Variants in NALCN observed in about 807,000 individuals in gnomAD.
NALCN encodes sodium leak channel NALCN.
In NALCN, 111 loss-of-function variants were observed where a neutral mutation model predicts 225.3. The observed-to-expected ratio is 0.49, with a 90% CI of 0.42 to 0.58. NALCN has a LOEUF of 0.58. Ranked by LOEUF, NALCN falls within the 20% of genes least tolerant of loss-of-function variation. The pLI is 0.00. For synonymous variants in NALCN, 764 were observed against 769.0 expected, an observed-to-expected ratio of 0.99 and a Z score of 0.11; for missense variants, 1,378 against 2,202.4, an observed-to-expected ratio of 0.63 and a Z score of 7.49.
intron 6 of NALCN, among the ~76,000 whole-genome samples, chr13:101,351,994 A>G (rs1017689347): frequency 6.6e-6 from 1 of 152,234 alleles, no homozygotes; most frequent in African/African-American, 2.4e-5. Context: ...GACTATGCTT[A>G]TGATGACTTA....
intron 17 of NALCN, among the ~76,000 whole-genome samples, chr13:101,135,776 C>G (rs1169667360): frequency 7.2e-5 from 11 of 152,108 alleles, no homozygotes; most frequent in Non-Finnish European, 1.5e-4. Context: ...TAGCATGACA[C>G]TTGATAGAAG....
chr13:101,358,011 T>C (rs1271406225), intron 6 of NALCN, among the ~76,000 whole-genome samples: 2 of 151,888 alleles, frequency 1.3e-5, no homozygotes, highest in East Asian at 3.9e-4. Flanking sequence ...GGACCCCTTA[T>C]ACCTTAGACA....
chr13:101,210,636 A>G (rs2040489738), intron 13 of NALCN, among the ~76,000 whole-genome samples: 1 of 152,222 alleles, frequency 6.6e-6, no homozygotes, highest in African/African-American at 2.4e-5. Flanking sequence ...TACAACACAG[A>G]AAACTGAGTG....
intron 2 of NALCN, 101 bp downstream of exon 2, chr13:101,398,918 G>A: frequency 1.4e-6 from 1 of 709,748 alleles, no homozygotes; most frequent in South Asian, 1.6e-5. Context: ...TTCTACTGCA[G>A]CTCAGATATT....
intron 26 of NALCN, among the ~76,000 whole-genome samples, chr13:101,102,319 T>C (rs959816878): frequency 1.1e-4 from 16 of 151,996 alleles, no homozygotes; most frequent in African/African-American, 2.9e-4. Flanking sequence ...ATGATATATA[T>C]ACCTCTAGTA....
intron 6 of NALCN, among the ~76,000 whole-genome samples, chr13:101,360,560 A>G (rs1594741450): frequency 6.6e-6 from 1 of 152,250 alleles, no homozygotes; most frequent in East Asian, 1.9e-4. Flanking sequence ...TATAGCAATG[A>G]AAGAATGGAT....
intron 17 of NALCN, chr13:101,142,786 G>A: frequency 5.1e-6 from 2 of 389,186 alleles, no homozygotes; most frequent in South Asian, 4.5e-5. Context: ...GAGCCTTGGA[G>A]ATCCCAGCCC....
chr13:101,382,935 A>T (rs1594767144), intron 3 of NALCN, among the ~76,000 whole-genome samples: 1 of 152,178 alleles, frequency 6.6e-6, no homozygotes, highest in Non-Finnish European at 1.5e-5. Context: ...GAAGTATGGA[A>T]ATAATCCTCT....
At chr13:101,329,872 C>G (rs7986942) in intron 7 of NALCN, among the ~76,000 whole-genome samples, 6,608 of 151,820 alleles carry the variant, frequency 0.044, 201 homozygotes, top group South Asian at 0.062. Context: ...AACCCTGTCT[C>G]TACTAAAAAT....
rs1244440854 is a variant in NALCN at position 101,053,932 on chromosome 13, G to A, written c.*1363C>T. ...ATAAACTGTAGACTGCCACTACCAC[G>A]ATACTTCTGTGACACAGAAGGAATG... On this transcript the variant is annotated 3_prime_UTR_variant, in exon 44 of 44. Transcript: ENST00000251127. 2.0e-5 allele frequency: 3 copies of A among 152,080 alleles called. No individual in the cohort carries two copies. Among genetic ancestry groups the A allele is most frequent in the Non-Finnish European group, 4.4e-5 (3 of 68,018 alleles). The allele number at this position is 152,080 out of a possible 1,614,324, so 9.4% of individuals were successfully genotyped here. A position where few individuals can be genotyped will look rare whatever the true frequency, so the allele number is the denominator to read the frequency against.
chr13:101,092,321 C>A (rs1404658556), intron 28 of NALCN, among the ~76,000 whole-genome samples: 1 of 152,162 alleles, frequency 6.6e-6, no homozygotes, highest in Admixed American at 6.6e-5. Flanking sequence ...TGAGCGTCTG[C>A]CCTTGGATGT....
chr13:101,110,506 T>C lies in NALCN; in HGVS notation c.2364+113A>G. On this transcript the variant is annotated intron_variant, in intron 20 of 43. Transcript: ENST00000251127. ...TTTCCTGATTCCCTCTGGTATGAAG[T>C]CTTAAGGAGACATGGGAATGCAGCA... is the stretch of plus-strand genomic sequence containing the variant. 2.7e-6 allele frequency: 3 copies of C among 1,126,538 alleles called. No individual in the cohort carries two copies. In the South Asian group the frequency reaches 4.0e-5, roughly 15 times the overall value. 69.8% of individuals were successfully genotyped at this position (1,126,538 alleles called of 1,614,324 possible).
At chr13:101,150,964 T>G (rs2037617869) in intron 15 of NALCN, among the ~76,000 whole-genome samples, 1 of 152,168 alleles carries the variant, frequency 6.6e-6, no homozygotes, top group African/African-American at 2.4e-5. Flanking sequence ...TATAATGGCC[T>G]CAGCTGAGCA....
intron 13 of NALCN, among the ~76,000 whole-genome samples, chr13:101,207,751 G>A (rs1416558148): frequency 6.6e-6 from 1 of 152,160 alleles, no homozygotes; most frequent in African/African-American, 2.4e-5. Flanking sequence ...GATGTGGGTG[G>A]GGCCAGATAA....
At chr13:101,124,736 T>G (rs1455715120) in intron 17 of NALCN, 55 bp from the exon 18 acceptor site, 2 of 1,361,586 alleles carry the variant, frequency 1.5e-6, no homozygotes, top group African/African-American at 2.9e-5. Context: ...AATAATATAC[T>G]GTCAAATCAT....
In NALCN at chr13:101,192,078, T is replaced by C. The variant is rs749025999; in HGVS notation, c.1627-24A>G. On this transcript the variant is annotated intron_variant, in intron 13 of 43. Transcript: ENST00000251127. ...GCCTAAGAGGAAAAGAACAAAGGTA[T>C]TACACACTAGCTTTAGGCTTGCATA... 1.9e-6 allele frequency: 3 copies of C among 1,582,056 alleles called. No homozygotes were observed. The South Asian group carries it at 3.5e-5, about 19-fold the overall frequency.
At chr13:101,180,381 T>C (rs1445846508) in intron 14 of NALCN, 1 of 135,128 alleles carries the variant, frequency 7.4e-6, no homozygotes, top group Non-Finnish European at 1.7e-5. Context: ...ACTTTTTTTT[T>C]TTTTTTTATT....
intron 37 of NALCN, among the ~76,000 whole-genome samples, chr13:101,069,667 T>C (rs2032704485): frequency 6.6e-6 from 1 of 152,242 alleles, no homozygotes; most frequent in Non-Finnish European, 1.5e-5. Flanking sequence ...TTACCCACAA[T>C]AGAACTTCTT....
rs192654930 is a variant in NALCN at position 101,293,705 on chromosome 13, T to C, written c.800-1339A>G. 1.9e-3 allele frequency among the ~76,000 whole-genome samples: 286 copies of C among 152,142 alleles called. 2 individuals carry two copies. The highest frequency in any genetic ancestry group is 8.5e-3 in the Admixed American group (129 of 15,262). On this transcript the variant is annotated intron_variant, in intron 7 of 43. Transcript: ENST00000251127. ...CAGAGCAACAGCAAACACCAAGGCA[T>C]GCAGAACAGAAGGCAAGTCCAGCCG... is the stretch of plus-strand genomic sequence containing the variant.
Sources: allele counts gnomAD v4.1 joint callset (sites outside exome capture counted in the v4.1 genomes callset), GRCh38; gene constraint gnomAD v4.1.1; transcripts MANE v1.5; gene names NCBI Gene and HGNC (gene_info 2026-07-23, HGNC 2026-07-21).